Variants in ADGRE5 observed in about 807,000 individuals in gnomAD.
ADGRE5 encodes CD97 molecule.
ADGRE5 carries 72 observed loss-of-function variants against 100.3 expected under a neutral mutation model. The observed-to-expected ratio is 0.72, with a 90% CI of 0.59 to 0.87. The LOEUF is 0.87. Among genes scored for constraint, ADGRE5 ranks in the 40% least tolerant of loss-of-function variants. The pLI is 0.00. For synonymous variants in ADGRE5, 439 were observed against 447.8 expected, an observed-to-expected ratio of 0.98 and a Z score of 0.25; for missense variants, 959 against 1,094.7, an observed-to-expected ratio of 0.88 and a Z score of 1.75.
chr19:14,400,215 T>G (rs1975955139), intron 9 of ADGRE5, among the ~76,000 whole-genome samples: 1 of 151,970 alleles, frequency 6.6e-6, no homozygotes, highest in African/African-American at 2.4e-5. Context: ...AGAGATGGGA[T>G]TTCACCATGT....
intron 13 of ADGRE5, chr19:14,404,855 A>G: frequency 2.8e-6 from 1 of 360,492 alleles, no homozygotes; most frequent in Non-Finnish European, 4.9e-6. Context: ...CCAAGGGGGC[A>G]CCACTTGCCC....
chr19:14,397,172 T>C lies in ADGRE5; in HGVS notation c.574T>C (p.Trp192Arg). ...CTATCAGTGCCGCTGCCGCCCGGGCTGGCAACCGATTCCGGGGTCCCCCAA... is the reference window on the plus strand; with the variant it reads ...CTATCAGTGCCGCTGCCGCCCGGGCCGGCAACCGATTCCGGGGTCCCCCAA... The part of the protein sequence containing the change: ...GSYQCRCRPG[W>R]QPIPGSPNGP... Residue 192 changes from tryptophan to arginine, a missense_variant, in exon 6 of 20, where the codon TGG becomes CGG. This residue lies in a region of ADGRE5 where 83 missense variants were observed against 88.8 expected (regional missense o/e 0.93). Coordinates refer to ENST00000242786, the MANE Select transcript of ADGRE5 (RefSeq NM_078481.4). The C allele has an allele frequency of 6.2e-7, 1 of 1,614,124 alleles. No homozygotes were observed. Among genetic ancestry groups the C allele is most frequent in the Non-Finnish European group, 8.5e-7 (1 of 1,180,000 alleles).
Position 14,403,204 on chromosome 19 carries a change from C to T in ADGRE5, c.1449+342C>T, listed in dbSNP as rs544028365. On this transcript the variant is annotated intron_variant, in intron 12 of 19. Transcript: ENST00000242786. ...ATTACAGGCATGCGCCACCACACCT[C>T]GCTGATTTTGTATTTTTAGTAGAGA... 5.9e-5 allele frequency among the ~76,000 whole-genome samples: 9 copies of T among 151,594 alleles called. No homozygotes were observed. In the South Asian group the frequency reaches 8.3e-4, roughly 14 times the overall value.
At chr19:14,398,193 G>C (rs1480522494) in intron 9 of ADGRE5, 54 bp downstream of exon 9, 6 of 1,571,880 alleles carry the variant, frequency 3.8e-6, no homozygotes, top group Non-Finnish European at 5.3e-6. Context: ...GCTAGCGGAG[G>C]CTTCCATGTG....
intron 18 of ADGRE5, 56 bp from the exon 19 acceptor site, chr19:14,407,852 G>C (rs980172763): frequency 7.0e-7 from 1 of 1,420,086 alleles, no homozygotes; most frequent in Non-Finnish European, 9.9e-7. Context: ...GCATGGGGAG[G>C]AGCGTGCATG....
intron 9 of ADGRE5, among the ~76,000 whole-genome samples, chr19:14,398,514 CAA>C (rs71164255): frequency 7.4e-5 from 11 of 149,066 alleles, no homozygotes; most frequent in South Asian, 2.1e-4. Context: ...ACTAACAATA[CAA>C]AAAAAAAAAT....
chr19:14,407,416 G>A (rs570631022), intron 18 of ADGRE5, among the ~76,000 whole-genome samples, 187 bp downstream of exon 18: 79 of 152,280 alleles, frequency 5.2e-4, no homozygotes, highest in Non-Finnish European at 1.0e-3. Flanking sequence ...TTGGGAGGCC[G>A]AGGTGGGCAG....
intron 1 of ADGRE5, among the ~76,000 whole-genome samples, chr19:14,386,026 C>G (rs1353507975): frequency 6.6e-6 from 1 of 151,964 alleles, no homozygotes. Flanking sequence ...CCGCCTCGGC[C>G]TCCCAAAGTG....
Position 14,401,460 on chromosome 19 carries a change from C to A in ADGRE5, c.972C>A (p.His324Gln), listed in dbSNP as rs1976007021. 6.2e-7 allele frequency: 1 copy of A among 1,614,130 alleles called. No individual in the cohort carries two copies. The highest frequency in any genetic ancestry group is 1.7e-5 in the Admixed American group (1 of 60,014). ...AGGCCCTGGCGCCACCTGTCCGGCA[C>A]CTCATAGCCACCCAGCTGCTCTCAA... The part of the protein sequence containing the change: ...DVEALAPPVR[H>Q]LIATQLLSNL... The change falls in exon 10 of 20, where the codon CAC (histidine) becomes CAA (glutamine). Residue 324 changes from histidine to glutamine, a missense_variant. Physicochemically the swap from His to Gln is conservative, Grantham distance 24. Around this residue, in one of 6 missense-constraint regions of ADGRE5, gnomAD observed 246 missense variants for 242.2 expected, o/e 1.02. Coordinates refer to ENST00000242786, the MANE Select transcript of ADGRE5 (RefSeq NM_078481.4). The surrounding 1 kb of genome is among the most constrained non-coding windows in gnomAD (Gnocchi z 4.1).
In ADGRE5 at chr19:14,407,925, G is replaced by A. The variant is rs956208084; in HGVS notation, c.2394G>A (p.Arg798=). 1.2e-6 allele frequency: 2 copies of A among 1,614,112 alleles called. No homozygotes were observed. The highest frequency in any genetic ancestry group is 2.2e-5 in the East Asian group (1 of 44,890). The change falls in exon 19 of 20, where the codon CGG becomes CGA. Residue 798 remains arginine (R), a synonymous_variant. Transcript: ENST00000242786. ...GCCGGCAGGTTCGGGAAGAATACCG[G>A]AAGTGGGCCTGCCTAGTTGCTGGGG... is the stretch of plus-strand genomic sequence containing the variant. ...LLNKKVREEY[R]KWACLVAGGS...
intron 4 of ADGRE5, among the ~76,000 whole-genome samples, chr19:14,392,410 C>T (rs1182545314): frequency 6.6e-6 from 1 of 152,046 alleles, no homozygotes. Context: ...AAGTGATTCT[C>T]ATGCCTCAGC....
chr19:14,382,730 A>G (rs1393458744), intron 1 of ADGRE5, among the ~76,000 whole-genome samples: 3 of 147,628 alleles, frequency 2.0e-5, no homozygotes, highest in Non-Finnish European at 3.0e-5. Context: ...TTTTTTTGAG[A>G]CAAAGTCTCG....
Position 14,405,795 on chromosome 19 carries a change from C to T in ADGRE5, c.1677C>T (p.Leu559=), listed in dbSNP as rs747691520. ...CCAGGGTGGGACTGGCGCTGTCACT[C>T]TTCTGCCTGCTGCTGTGCATCCTCA... The part of the protein sequence containing the change: ...LITRVGLALS[L]FCLLLCILTF... Residue 559 remains leucine (L), a synonymous_variant, in exon 14 of 20, where the codon CTC becomes CTT. Transcript: ENST00000242786. The T allele has an allele frequency of 1.2e-6, 2 of 1,613,852 alleles. No homozygotes were observed. The highest frequency in any genetic ancestry group is 1.7e-6 in the Non-Finnish European group (2 of 1,179,970).
At chr19:14,395,301 CAAA>C (rs5827226) in intron 4 of ADGRE5, among the ~76,000 whole-genome samples, 3 of 135,662 alleles carry the variant, frequency 2.2e-5, no homozygotes, top group Admixed American at 1.4e-4. Context: ...ACGCTGTCTC[CAAA>C]AAAAAAAAAA....
At chr19:14,390,793 G>A in intron 3 of ADGRE5, 131 bp from the exon 4 acceptor site, 2 of 1,044,490 alleles carry the variant, frequency 1.9e-6, no homozygotes, top group Non-Finnish European at 2.8e-6. Flanking sequence ...CATAGCCTGT[G>A]CAGTGCAACT....
At chr19:14,385,001 ACT>A (rs1975291450) in intron 1 of ADGRE5, among the ~76,000 whole-genome samples, 2 of 40,220 alleles carry the variant, frequency 5.0e-5, no homozygotes, top group Non-Finnish European at 1.0e-4. Flanking sequence ...TTTTTTTGAG[ACT>A]CTTGCTCTTT....
At chr19:14,396,552 G>T in intron 5 of ADGRE5, 79 bp downstream of exon 5, 1 of 1,582,388 alleles carries the variant, frequency 6.3e-7, no homozygotes, top group Non-Finnish European at 8.6e-7. Flanking sequence ...AAGCAGCCGA[G>T]GAGGAGGGGG....
chr19:14,397,316 G>A lies in ADGRE5; in HGVS notation c.625+93G>A. 3 of 1,583,874 alleles carry A rather than the reference G, an allele frequency of 1.9e-6. No individual in the cohort carries two copies. In the South Asian group the frequency reaches 3.4e-5, roughly 18 times the overall value. On this transcript the variant is annotated intron_variant, in intron 6 of 19. Coordinates refer to ENST00000242786, the MANE Select transcript of ADGRE5 (RefSeq NM_078481.4). ...CACAAACCAAGCAGAATGAGCGCTG[G>A]AGGCACCTGGCTGTGCCAGGCGTTC...
intron 4 of ADGRE5, 73 bp from the exon 5 acceptor site, chr19:14,396,269 A>C: frequency 6.2e-7 from 1 of 1,612,920 alleles, no homozygotes; most frequent in Non-Finnish European, 8.5e-7. Context: ...CGTGCCAGGA[A>C]ACATGGCGGA....
Sources: gnomAD v4.1 joint callset for allele counts (sites outside exome capture counted in the v4.1 genomes callset) on GRCh38, gnomAD v4.1.1 for gene constraint, gnomAD v4.1.1 regional missense constraint, Gnocchi (gnomAD v3.1) non-coding constraint, MANE v1.5 for transcripts, NCBI Gene and HGNC (gene_info 2026-07-23, HGNC 2026-07-21) for gene names.